MEAK7: variants seen among roughly 807,000 people sequenced by gnomAD.
MEAK7 encodes MTOR associated protein MEAK7, also known as MTOR-associated protein MEAK7.
In MEAK7, 68 loss-of-function variants were observed where a neutral mutation model predicts 40.5. That is an observed-to-expected ratio of 1.68 (90% CI 1.38 to 2.06). MEAK7 has a LOEUF of 2.06. Among genes scored for constraint, MEAK7 ranks in the 30% most tolerant of loss-of-function variants. The pLI, the probability that MEAK7 is intolerant of heterozygous loss-of-function variation, is 0.00. For missense variants in MEAK7, 918 were observed against 580.5 expected (o/e 1.58, Z -5.98); for synonymous variants, 338 against 231.9 (o/e 1.46, Z -4.16).
At position 84,482,640 on chromosome 16, in the gene MEAK7, G is replaced by A. The variant is rs867698609; in HGVS notation, c.1029C>T (p.Asp343=). ...GTCCATGGTTCAAGTACATGTAGTG[G>A]TCGTTGTAGCCCGTGTGTGTGTACA... ...MAVYTHTGYN[D]HYMYLNHGQQ... The change falls in exon 6 of 8, where the codon GAC becomes GAT. Residue 343 remains aspartate, a synonymous_variant. Transcript: ENST00000343629. 2 of 1,614,128 alleles carry A rather than the reference G, an allele frequency of 1.2e-6. No individual in the cohort carries two copies. The highest frequency in any genetic ancestry group is 1.7e-6 in the Non-Finnish European group (2 of 1,180,056).
intron 3 of MEAK7, among the ~76,000 whole-genome samples, chr16:84,491,862 A>G (rs1415133211): frequency 3.9e-5 from 6 of 152,078 alleles, no homozygotes; most frequent in African/African-American, 1.4e-4. Flanking sequence ...AAAAGAAAAA[A>G]GAAAACAGAT....
chr16:84,498,930 C>T (rs546454617), intron 1 of MEAK7, among the ~76,000 whole-genome samples: 10 of 152,012 alleles, frequency 6.6e-5, no homozygotes, highest in African/African-American at 1.7e-4. Context: ...GCTACTAAAA[C>T]GCTCTCTGCC....
In MEAK7 at chr16:84,482,573, A is replaced by G; in HGVS notation, c.1077+19T>C. ...GGGACATCACCAAGGCAAGACCACCACGCTCTGCCCGGGCTCACCAGTCCG... is the reference window on the plus strand; with the variant it reads ...GGGACATCACCAAGGCAAGACCACCGCGCTCTGCCCGGGCTCACCAGTCCG... On this transcript the variant is annotated intron_variant, in intron 6 of 7. Transcript: ENST00000343629. 6.2e-7 allele frequency: 1 copy of G among 1,613,906 alleles called. No individual in the cohort carries two copies. The highest frequency in any genetic ancestry group is 1.1e-5 in the South Asian group (1 of 91,070).
At position 84,478,208 on chromosome 16, in the gene MEAK7, G is replaced by A. The variant is rs1912207855; in HGVS notation, c.*1705C>T. 6.6e-6 allele frequency: 1 copy of A among 152,158 alleles called. No individual in the cohort carries two copies. Among genetic ancestry groups the A allele is most frequent in the Non-Finnish European group, 1.5e-5 (1 of 68,026 alleles). 9.4% of individuals were successfully genotyped at this position (152,158 alleles called of 1,614,324 possible). A position where few individuals can be genotyped will look rare whatever the true frequency, so the allele number is the denominator to read the frequency against. Reference sequence around the variant, plus strand: ...CCTAATATTCTACTTCTGCCAACATGTCAGGTAGGAAGCTCACAATGTTCC... The same window carrying A: ...CCTAATATTCTACTTCTGCCAACATATCAGGTAGGAAGCTCACAATGTTCC... On this transcript the variant is annotated 3_prime_UTR_variant, in exon 8 of 8. Transcript: ENST00000343629.
intron 4 of MEAK7, 177 bp from the exon 5 acceptor site, chr16:84,487,236 G>C: frequency 1.9e-6 from 1 of 529,202 alleles, no homozygotes; most frequent in Non-Finnish European, 3.2e-6. Context: ...TGATTTCAAA[G>C]ATTTGGTATG....
intron 5 of MEAK7, among the ~76,000 whole-genome samples, chr16:84,483,659 G>A (rs1375452789): frequency 6.6e-6 from 1 of 152,222 alleles, no homozygotes; most frequent in Non-Finnish European, 1.5e-5. Flanking sequence ...AGTCTGTAGA[G>A]TGTGGGCTGA....
At chr16:84,493,932 G>A (rs1472023468) in intron 3 of MEAK7, among the ~76,000 whole-genome samples, 1 of 152,112 alleles carries the variant, frequency 6.6e-6, no homozygotes, top group Non-Finnish European at 1.5e-5. Flanking sequence ...AATACTCCAA[G>A]TTTTCTTGGG....
chr16:84,482,672 T>C lies in MEAK7; in HGVS notation c.997A>G (p.Met333Val), dbSNP rs911681541. 7.4e-6 allele frequency: 12 copies of C among 1,614,110 alleles called. No homozygotes were observed. The highest frequency in any genetic ancestry group is 6.7e-5 in the Admixed American group (4 of 60,012). Residue 333 changes from methionine (M) to valine (V), a missense_variant, in exon 6 of 8, where the codon ATG becomes GTG. By Grantham distance (21) the Met-to-Val change is conservative. Transcript: ENST00000343629. The part of the protein sequence containing the change: ...RCFLFSICPS[M>V]AVYTHTGYND... ...TAGCCCGTGTGTGTGTACACAGCCA[T>C]GCTGGGGCAGATGGAGAACAGGAAG...
intron 5 of MEAK7, among the ~76,000 whole-genome samples, 198 bp from the exon 6 acceptor site, chr16:84,482,908 G>C (rs1189046132): frequency 6.6e-6 from 1 of 152,152 alleles, no homozygotes; most frequent in African/African-American, 2.4e-5. Flanking sequence ...GGGATTAGAG[G>C]GACAGCTAAT....
rs151325421 is a variant in MEAK7 at position 84,490,348 on chromosome 16, G to A, written c.385-926C>T. Among the ~76,000 whole-genome samples, 243 of 151,072 alleles carry A rather than the reference G, an allele frequency of 1.6e-3. 2 individuals are homozygous for A. The highest frequency in any genetic ancestry group is 5.8e-3 in the African/African-American group (237 of 41,190). ...AAAAAACATTTTGACTGCCTTGAGGGGCTTTATTTCCATAACCTTTACTAG... is the reference window on the plus strand; with the variant it reads ...AAAAAACATTTTGACTGCCTTGAGGAGCTTTATTTCCATAACCTTTACTAG... On this transcript the variant is annotated intron_variant, in intron 3 of 7. Transcript: ENST00000343629.
At chr16:84,493,024 A>G (rs1277255329) in intron 3 of MEAK7, among the ~76,000 whole-genome samples, 1 of 152,238 alleles carries the variant, frequency 6.6e-6, no homozygotes, top group East Asian at 1.9e-4. Context: ...TTGGTATAAT[A>G]CAATCATACA....
intron 1 of MEAK7, among the ~76,000 whole-genome samples, chr16:84,500,843 C>A (rs1355755419): frequency 1.3e-5 from 2 of 152,220 alleles, no homozygotes; most frequent in East Asian, 3.9e-4. Context: ...TGCATCAACT[C>A]GAAGAGCCTG....
At position 84,502,533 on chromosome 16, in the gene MEAK7, G is replaced by C. The variant is rs1170093010; in HGVS notation, c.-26+2068C>G. Among the ~76,000 whole-genome samples, 3 of 152,066 alleles carry C rather than the reference G, an allele frequency of 2.0e-5. No individual in the cohort carries two copies. The South Asian group carries it at 6.2e-4, about 32-fold the overall frequency. On this transcript the variant is annotated intron_variant, in intron 1 of 7. Transcript: ENST00000343629. The stretch of plus-strand genomic sequence containing the variant: ...GTTGTGTTATGCACAGCTTTGCAGA[G>C]AAGAGGCCACCCCATGTACCCAGGT...
Position 84,486,844 on chromosome 16 carries a change from G to C in MEAK7, c.745C>G (p.Leu249Val), listed in dbSNP as rs148673734. 2.4e-3 allele frequency: 3,819 copies of C among 1,614,150 alleles called. 12 individuals are homozygous for C. Among genetic ancestry groups the C allele is most frequent in the Middle Eastern group, 4.1e-3 (25 of 6,062 alleles). ...GRGFESILDV[L>V]SVMYINAQLP... ...TGGGCGTTGATGTACATGACAGAGA[G>C]GACATCCAGGATGCTCTCAAAACCC... The change falls in exon 5 of 8, where the codon CTC (leucine) becomes GTC (valine). Residue 249 changes from leucine (L) to valine (V), a missense_variant. Coordinates refer to ENST00000343629, the MANE Select transcript of MEAK7 (RefSeq NM_020947.4).
In MEAK7 at chr16:84,486,732, A is replaced by T; in HGVS notation, c.857T>A (p.Ile286Asn). Reference sequence around the variant, plus strand: ...AGCCACACAGGGTCCCCGGTGAGTGATGTGGCCACAGAGCTGGGAGAAGCT... The same window carrying T: ...AGCCACACAGGGTCCCCGGTGAGTGTTGTGGCCACAGAGCTGGGAGAAGCT... ...GHSFSQLCGH[I>N]THRGPCVAVL... The change falls in exon 5 of 8, where the codon ATC becomes AAC. Residue 286 changes from isoleucine to asparagine, a missense_variant. Physicochemically the swap from Ile to Asn is moderately radical, Grantham distance 149. Transcript: ENST00000343629. The T allele has an allele frequency of 6.2e-7, 1 of 1,614,020 alleles. No homozygotes were observed. The highest frequency in any genetic ancestry group is 8.5e-7 in the Non-Finnish European group (1 of 1,179,898).
rs142947549 is a variant in MEAK7, at chr16:84,481,802, C to T, written c.1077+790G>A. Among the ~76,000 whole-genome samples the T allele has an allele frequency of 7.1e-3, 1,086 of 152,146 alleles. 15 individuals carry two copies. Among genetic ancestry groups the T allele is most frequent in the African/African-American group, 0.023 (935 of 41,478 alleles). On this transcript the variant is annotated intron_variant, in intron 6 of 7. Coordinates refer to ENST00000343629, the MANE Select transcript of MEAK7 (RefSeq NM_020947.4). The stretch of plus-strand genomic sequence containing the variant: ...CAAAAAAATTAGCCAGGCGTGATAG[C>T]GGGTGCCTGTGGTCCCAGCTACTTG...
At chr16:84,495,973 G>C in intron 2 of MEAK7, 60 bp from the exon 3 acceptor site, 2 of 1,572,584 alleles carry the variant, frequency 1.3e-6, no homozygotes, top group Non-Finnish European at 1.7e-6. Context: ...TTGGTTACTA[G>C]GAGTTATTAT....
At chr16:84,484,978 G>A (rs1912905680) in intron 5 of MEAK7, among the ~76,000 whole-genome samples, 1 of 152,222 alleles carries the variant, frequency 6.6e-6, no homozygotes, top group African/African-American at 2.4e-5. Flanking sequence ...AACATTAAAG[G>A]CTCTGGAGGG....
intron 4 of MEAK7, chr16:84,487,472 C>A (rs1913190403): frequency 1.2e-5 from 2 of 164,864 alleles, no homozygotes; most frequent in South Asian, 1.6e-4. Flanking sequence ...CATTTCAGAA[C>A]CCCTCGAGAT....
Sources: gnomAD v4.1 joint callset for allele counts (sites outside exome capture counted in the v4.1 genomes callset) on GRCh38, gnomAD v4.1.1 for gene constraint, MANE v1.5 for transcripts, NCBI Gene and HGNC (gene_info 2026-07-23, HGNC 2026-07-21) for gene names.